The following CEP85L variants were observed in gnomAD, a reference collection of about 807,000 sequenced individuals.
The protein encoded by CEP85L is centrosomal protein 85L.
Under a neutral mutation model 100.3 loss-of-function variants are expected in CEP85L, and 60 were observed. The ratio of observed to expected loss-of-function variants is 0.60; its 90% CI spans 0.49 to 0.74. The LOEUF is 0.74. Among genes scored for constraint, CEP85L ranks in the 30% least tolerant of loss-of-function variants. The pLI is 0.00. For synonymous variants in CEP85L, 319 were observed against 322.7 expected (o/e 0.99, Z 0.12); for missense variants, 973 against 936.2 (o/e 1.04, Z -0.51).
At chr6:118,673,261 G>A (rs938649669) in intron 1 of CEP85L, among the ~76,000 whole-genome samples, 1 of 152,134 alleles carries the variant, frequency 6.6e-6, no homozygotes, top group Admixed American at 6.5e-5. Context: ...TGAAAGAATG[G>A]TTCTGATTCA....
chr6:118,538,161 A>G (rs1184163440), intron 3 of CEP85L, among the ~76,000 whole-genome samples: 1 of 152,076 alleles, frequency 6.6e-6, no homozygotes, highest in Non-Finnish European at 1.5e-5. Context: ...CAACAACAAA[A>G]AAACCATTCT....
intron 4 of CEP85L, among the ~76,000 whole-genome samples, chr6:118,514,113 T>C (rs1032013271): frequency 6.6e-6 from 1 of 152,122 alleles, no homozygotes; most frequent in African/African-American, 2.4e-5. Flanking sequence ...AAAGCAATCA[T>C]TATAACAATA....
chr6:118,705,159 CT>C (rs893900247), intron 1 of CEP85L, among the ~76,000 whole-genome samples: 6 of 152,130 alleles, frequency 3.9e-5, no homozygotes. Flanking sequence ...CCATTTTCAA[CT>C]TATTTCTTCT....
intron 3 of CEP85L, among the ~76,000 whole-genome samples, chr6:118,534,841 G>A (rs368702081): frequency 6.6e-6 from 1 of 151,772 alleles, no homozygotes; most frequent in African/African-American, 2.4e-5. Context: ...CCAACACGGT[G>A]AAACCCCACC....
At chr6:118,657,194 T>C (rs1775824186), upstream of CEP85L, 1 of 152,192 alleles carries the variant, frequency 6.6e-6, no homozygotes, top group South Asian at 2.1e-4. Context: ...ATGATGAAAA[T>C]GTTTCCCAGA....
At chr6:118,693,189 C>T (rs922586151) in intron 1 of CEP85L, among the ~76,000 whole-genome samples, 1 of 152,214 alleles carries the variant, frequency 6.6e-6, no homozygotes, top group African/African-American at 2.4e-5. Context: ...TCCTCTGGAA[C>T]AGTAGCAAGT....
At chr6:118,495,897 G>C (rs1774887204) in intron 5 of CEP85L, among the ~76,000 whole-genome samples, 1 of 152,162 alleles carries the variant, frequency 6.6e-6, no homozygotes, top group African/African-American at 2.4e-5. Context: ...TGTTAACAAG[G>C]CAACAAGGCT....
intron 1 of CEP85L, among the ~76,000 whole-genome samples, chr6:118,696,206 A>T (rs1562364000): frequency 6.6e-6 from 1 of 152,118 alleles, no homozygotes; most frequent in Non-Finnish European, 1.5e-5. Context: ...AGGAGGTTGC[A>T]GTGAGCTGAG....
chr6:118,519,432 C>CTGTGTGTGTGTGTGTGTG (rs546998242), intron 4 of CEP85L, among the ~76,000 whole-genome samples: 2 of 23,958 alleles, frequency 8.3e-5, no homozygotes, highest in Non-Finnish European at 1.4e-4. Context: ...GAGCAAAACT[C>CTGTGTGTGTGTGTGTGTG]TGTGTGTGTG....
intron 2 of CEP85L, among the ~76,000 whole-genome samples, chr6:118,618,374 G>A (rs1050835002): frequency 6.6e-6 from 1 of 152,174 alleles, no homozygotes; most frequent in African/African-American, 2.4e-5. Context: ...TTAGGCAGGT[G>A]TTGCCATCTG....
In CEP85L at chr6:118,481,919, T is replaced by C; in HGVS notation, c.1605A>G (p.Glu535=). The stretch of plus-strand genomic sequence containing the variant: ...CCTCTTGTAAATTCTTATTTTTTTC[T>C]TCCAGAATCTGCAGCTAAGGAGAAA... ...QSQSLQLQIL[E]EKNKNLQEAL... Residue 535 remains glutamate (E), a synonymous_variant, in exon 8 of 13, where the codon GAA becomes GAG. Transcript: ENST00000368491. 3 of 1,553,360 alleles carry C rather than the reference T, an allele frequency of 1.9e-6. No homozygotes were observed. The highest frequency in any genetic ancestry group is 2.6e-6 in the Non-Finnish European group (3 of 1,149,796).
chr6:118,553,939 A>G (rs1373375804), intron 3 of CEP85L, among the ~76,000 whole-genome samples: 2 of 152,218 alleles, frequency 1.3e-5, no homozygotes, highest in African/African-American at 2.4e-5. Flanking sequence ...TAGAGCTTAC[A>G]TGTCCAACTA....
intron 2 of CEP85L, among the ~76,000 whole-genome samples, chr6:118,591,290 C>A (rs1781175898): frequency 6.6e-6 from 1 of 152,122 alleles, no homozygotes. Context: ...ACTTTTCACA[C>A]CCAAGTAACA....
chr6:118,642,311 A>C (rs1242879904), intron 1 of CEP85L, among the ~76,000 whole-genome samples: 2 of 152,208 alleles, frequency 1.3e-5, no homozygotes, highest in South Asian at 4.1e-4. Flanking sequence ...AAATAAAAAT[A>C]AACAACAGGT....
In CEP85L at chr6:118,569,341, C is replaced by CAAAAAAAAAA. The variant is rs56123225; in HGVS notation, c.233-3035_233-3026dup. 1.4e-3 allele frequency among the ~76,000 whole-genome samples: 93 copies of CAAAAAAAAAA among 68,206 alleles called. 5 individuals are homozygous for CAAAAAAAAAA. The highest frequency in any genetic ancestry group is 5.2e-3 in the African/African-American group (78 of 14,924). The allele number at this position is 68,206 out of a possible 152,430, so 44.7% of individuals were successfully genotyped here. A position where few individuals can be genotyped will look rare whatever the true frequency, so the allele number is the denominator to read the frequency against. ...TGGGTGACAAGGCTAGACTCTGTCT[C>CAAAAAAAAAA]AAAAAAAAAAAAAAAAAAAAAAAAA... On this transcript the variant is annotated intron_variant, in intron 2 of 12. Coordinates refer to ENST00000368491, the MANE Select transcript of CEP85L (RefSeq NM_001042475.3).
At chr6:118,589,219 T>C (rs1050111123) in intron 2 of CEP85L, 2 of 228,738 alleles carry the variant, frequency 8.7e-6, no homozygotes, top group East Asian at 2.3e-4. Flanking sequence ...CCTATGTGTA[T>C]ATGAAGAGAA....
chr6:118,708,107 G>T (rs1209309784), intron 1 of CEP85L, among the ~76,000 whole-genome samples: 4 of 152,170 alleles, frequency 2.6e-5, no homozygotes, highest in Non-Finnish European at 5.9e-5. Flanking sequence ...GGAATATATA[G>T]ACAAAGATAT....
At chr6:118,515,881 G>T (rs773677441) in intron 4 of CEP85L, among the ~76,000 whole-genome samples, 4 of 152,020 alleles carry the variant, frequency 2.6e-5, no homozygotes, top group African/African-American at 7.2e-5. Flanking sequence ...GTATTTCTCC[G>T]AATGCTATCC....
intron 12 of CEP85L, among the ~76,000 whole-genome samples, chr6:118,468,821 T>C (rs751663897): frequency 6.6e-6 from 1 of 152,160 alleles, no homozygotes; most frequent in Non-Finnish European, 1.5e-5. Context: ...TAACTACCAC[T>C]CTATTCACAT....
Sources: gnomAD v4.1 joint callset for allele counts (sites outside exome capture counted in the v4.1 genomes callset) on GRCh38, gnomAD v4.1.1 for gene constraint, MANE v1.5 for transcripts, NCBI Gene and HGNC (gene_info 2026-07-23, HGNC 2026-07-21) for gene names.